DLG2: variants seen among roughly 807,000 people sequenced by gnomAD.
DLG2 encodes the protein discs large MAGUK scaffold protein 2.
In DLG2, 45 loss-of-function variants were observed where a neutral mutation model predicts 132.5. The ratio of observed to expected loss-of-function variants is 0.34; its 90% CI spans 0.27 to 0.44. The LOEUF (loss-of-function observed/expected upper bound fraction) is 0.44. Among genes scored for constraint, DLG2 ranks in the 20% least tolerant of loss-of-function variants. The probability of loss-of-function intolerance (pLI) is 1.00; values close to 1 mark genes in which losing one functional copy is unlikely to be tolerated. For missense variants in DLG2, 1,045 were observed against 1,196.9 expected, an observed-to-expected ratio of 0.87 and a Z score of 1.87; for synonymous variants, 424 against 419.6, an observed-to-expected ratio of 1.01 and a Z score of -0.13.
chr11:85,261,129 A>T (rs1466140075), intron 4 of DLG2, among the ~76,000 whole-genome samples: 6 of 152,186 alleles, frequency 3.9e-5, no homozygotes, highest in Non-Finnish European at 8.8e-5. Context: ...TTGCAAGGAA[A>T]TAACAGACAG....
intron 7 of DLG2, among the ~76,000 whole-genome samples, chr11:84,392,802 G>T (rs1174250120): frequency 1.3e-5 from 2 of 152,136 alleles, no homozygotes; most frequent in Admixed American, 6.6e-5. Flanking sequence ...TCTAAACTTA[G>T]TTACTATAGA....
At chr11:85,399,611 C>T (rs959267405) in intron 3 of DLG2, among the ~76,000 whole-genome samples, 2 of 152,050 alleles carry the variant, frequency 1.3e-5, no homozygotes, top group African/African-American at 4.8e-5. Flanking sequence ...GAACAGAGCC[C>T]TCAGAAATAA....
At chr11:85,342,698 G>A (rs548013479) in intron 3 of DLG2, among the ~76,000 whole-genome samples, 22 of 152,238 alleles carry the variant, frequency 1.4e-4, no homozygotes, top group Admixed American at 4.6e-4. Flanking sequence ...CAGCACGGTA[G>A]GTTTGTTTAT....
chr11:83,989,916 A>G (rs1045624059), intron 11 of DLG2, among the ~76,000 whole-genome samples: 1 of 152,162 alleles, frequency 6.6e-6, no homozygotes, highest in Non-Finnish European at 1.5e-5. Flanking sequence ...AAAATTGGTT[A>G]CCATTTTGAA....
intron 3 of DLG2, among the ~76,000 whole-genome samples, chr11:85,386,908 T>C (rs1192462276): frequency 6.6e-6 from 1 of 151,658 alleles, no homozygotes; most frequent in African/African-American, 2.4e-5. Context: ...TTTTCTTTTT[T>C]TTTTAGATGG....
chr11:84,086,592 C>A (rs978236427), intron 10 of DLG2, among the ~76,000 whole-genome samples: 1 of 151,154 alleles, frequency 6.6e-6, no homozygotes, highest in Admixed American at 6.6e-5. Context: ...TGGGCTCAAG[C>A]GATCCTCCCA....
intron 7 of DLG2, among the ~76,000 whole-genome samples, chr11:84,466,906 G>C (rs2099095912): frequency 6.6e-6 from 1 of 151,250 alleles, no homozygotes; most frequent in Non-Finnish European, 1.5e-5. Context: ...ACAGAAAGGA[G>C]TCACAAATAT....
chr11:83,982,280 AG>A (rs2092856668), intron 11 of DLG2, among the ~76,000 whole-genome samples: 1 of 152,066 alleles, frequency 6.6e-6, no homozygotes, highest in South Asian at 2.1e-4. Flanking sequence ...CTCTTTCAGG[AG>A]GTATCCTACA....
intron 3 of DLG2, among the ~76,000 whole-genome samples, chr11:85,346,643 A>T (rs949869342): frequency 6.6e-6 from 1 of 152,192 alleles, no homozygotes; most frequent in Non-Finnish European, 1.5e-5. Flanking sequence ...AACCGTAAAC[A>T]TCTAGAGGCA....
At chr11:84,061,946 G>C (rs546793786) in intron 10 of DLG2, among the ~76,000 whole-genome samples, 1 of 151,546 alleles carries the variant, frequency 6.6e-6, no homozygotes, top group Admixed American at 6.6e-5. Context: ...CTGGTCCTTT[G>C]AGAGTGGGTA....
At chr11:85,165,582 C>G (rs1241347806) in intron 4 of DLG2, among the ~76,000 whole-genome samples, 1 of 152,180 alleles carries the variant, frequency 6.6e-6, no homozygotes, top group East Asian at 1.9e-4. Context: ...CTGCTTCTTT[C>G]AGCTCCTTTC....
At chr11:85,374,789 A>G (rs773845310) in intron 3 of DLG2, among the ~76,000 whole-genome samples, 12 of 152,240 alleles carry the variant, frequency 7.9e-5, no homozygotes, top group Admixed American at 1.3e-4. Flanking sequence ...ACATTTCCAA[A>G]TGAAAAGAAA....
chr11:85,083,561 A>C (rs975957890), intron 6 of DLG2, among the ~76,000 whole-genome samples: 1 of 152,170 alleles, frequency 6.6e-6, no homozygotes, highest in African/African-American at 2.4e-5. Context: ...ATGAGACATT[A>C]ATCAATACAT....
At chr11:84,986,140 G>A (rs1159769621) in intron 6 of DLG2, among the ~76,000 whole-genome samples, 1 of 151,502 alleles carries the variant, frequency 6.6e-6, no homozygotes, top group Non-Finnish European at 1.5e-5. Flanking sequence ...TGACACCACA[G>A]AGTTACAAAA....
intron 7 of DLG2, among the ~76,000 whole-genome samples, chr11:84,298,508 C>T (rs1277008359): frequency 6.6e-6 from 1 of 152,178 alleles, no homozygotes; most frequent in Non-Finnish European, 1.5e-5. Flanking sequence ...AGATACCACC[C>T]TTTCAATCAC....
intron 3 of DLG2, among the ~76,000 whole-genome samples, chr11:85,401,070 A>T (rs1443978922): frequency 6.6e-6 from 1 of 152,102 alleles, no homozygotes; most frequent in East Asian, 1.9e-4. Flanking sequence ...CCTGATGAAC[A>T]TTGATGTGAA....
chr11:85,398,236 C>A (rs2087617619), intron 3 of DLG2, among the ~76,000 whole-genome samples: 1 of 152,090 alleles, frequency 6.6e-6, no homozygotes, highest in Non-Finnish European at 1.5e-5. Flanking sequence ...CCAATGAGAA[C>A]AAAGACACAA....
In DLG2 at chr11:83,693,303, G is replaced by A. The variant is rs73509237; in HGVS notation, c.1826-59978C>T. The stretch of plus-strand genomic sequence containing the variant: ...TCTGGTGAATTTGAGCATTATTTTA[G>A]TACTGTTGAATAGTCACTGGACAGT... On this transcript the variant is annotated intron_variant, in intron 18 of 27. Transcript: ENST00000376104. Among the ~76,000 whole-genome samples, 757 of 152,226 alleles carry A rather than the reference G, an allele frequency of 5.0e-3. 7 individuals carry two copies. The highest frequency in any genetic ancestry group is 0.018 in the African/African-American group (738 of 41,526).
At chr11:83,682,918 C>G (rs1196991938) in intron 18 of DLG2, among the ~76,000 whole-genome samples, 3 of 152,108 alleles carry the variant, frequency 2.0e-5, no homozygotes, top group Non-Finnish European at 2.9e-5. Context: ...GTGACTTGCC[C>G]AGGTCACACA....
Sources: allele counts gnomAD v4.1 joint callset (sites outside exome capture counted in the v4.1 genomes callset), GRCh38; gene constraint gnomAD v4.1.1; transcripts MANE v1.5; gene names NCBI Gene and HGNC (gene_info 2026-07-23, HGNC 2026-07-21).